MAP2: variants seen among roughly 807,000 people sequenced by gnomAD.
MAP2 encodes microtubule associated protein 2.
MAP2 carries 14 observed loss-of-function variants against 137.6 expected under a neutral mutation model. The ratio of observed to expected loss-of-function variants is 0.10; its 90% confidence interval spans 0.07 to 0.16. The LOEUF is 0.16. Ranked by LOEUF, MAP2 falls within the 10% of genes least tolerant of loss-of-function variation. The pLI is 1.00. For missense variants in MAP2, 2,088 were observed against 2,191.5 expected, an observed-to-expected ratio of 0.95 and a Z score of 0.94; for synonymous variants, 786 against 782.3, an observed-to-expected ratio of 1.00 and a Z score of -0.08.
chr2:209,554,342 C>T lies in MAP2; in HGVS notation c.-171-25694C>T, dbSNP rs995140103. Among the ~76,000 whole-genome samples, 7 of 152,174 alleles carry T rather than the reference C, an allele frequency of 4.6e-5. No homozygotes were observed. The South Asian group carries it at 8.3e-4, about 18-fold the overall frequency. On this transcript the variant is annotated intron_variant, in intron 2 of 15. Coordinates refer to ENST00000682079, the MANE Select transcript of MAP2 (RefSeq NM_001375505.1). ...ATTTAGCCCACTACTCTGGCCACAGCGTCCTATATTCTAGGACTGGTCTTC... is the reference window on the plus strand; with the variant it reads ...ATTTAGCCCACTACTCTGGCCACAGTGTCCTATATTCTAGGACTGGTCTTC...
intron 3 of MAP2, among the ~76,000 whole-genome samples, chr2:209,593,271 A>T (rs1023405305): frequency 1.3e-5 from 2 of 151,800 alleles, no homozygotes; most frequent in Non-Finnish European, 2.9e-5. Context: ...GATTTTTAAA[A>T]TGTATTGTTA....
chr2:209,442,911 ATTTG>A (rs1471767500), intron 1 of MAP2, among the ~76,000 whole-genome samples: 1 of 151,492 alleles, frequency 6.6e-6, no homozygotes, highest in African/African-American at 2.4e-5. Context: ...CTGTCACTGA[ATTTG>A]TTTTTCACCT....
chr2:209,704,419 T>C (rs761360284), intron 11 of MAP2: 3 of 1,581,584 alleles, frequency 1.9e-6, no homozygotes, highest in African/African-American at 2.7e-5. Context: ...TGGTTTATTT[T>C]GTGCTTTTGT....
rs1308720308 is a variant in MAP2 at position 209,693,716 on chromosome 2, A to C, written c.1546A>C (p.Thr516Pro). 5 of 1,613,224 alleles carry C rather than the reference A, an allele frequency of 3.1e-6. No homozygotes were observed. Among genetic ancestry groups the C allele is most frequent in the Non-Finnish European group, 8.5e-7 (1 of 1,179,852 alleles). Residue 516 changes from threonine to proline, a missense_variant, in exon 8 of 16, where the codon ACA becomes CCA. By Grantham distance (38) the Thr-to-Pro change is conservative. Around this residue, in one of 6 missense-constraint regions of MAP2, gnomAD observed 859 missense variants for 794.5 expected, o/e 1.08. Coordinates refer to ENST00000682079, the MANE Select transcript of MAP2 (RefSeq NM_001375505.1). Reference sequence around the variant, plus strand: ...TACAGATTCAGCCATGACCTCTAAAACACTGGAGAAAGCCATGACCGAACC... The same window carrying C: ...TACAGATTCAGCCATGACCTCTAAACCACTGGAGAAAGCCATGACCGAACC... Reference protein sequence around the residue: ...AVTDSAMTSKTLEKAMTEPSA... With the variant: ...AVTDSAMTSKPLEKAMTEPSA...
At chr2:209,612,881 T>C (rs2087476444) in intron 3 of MAP2, among the ~76,000 whole-genome samples, 1 of 152,162 alleles carries the variant, frequency 6.6e-6, no homozygotes, top group South Asian at 2.1e-4. Context: ...TCCTTATCTT[T>C]TGGTTTAGCA....
intron 4 of MAP2, among the ~76,000 whole-genome samples, chr2:209,626,039 A>G (rs759349154): frequency 9.9e-5 from 15 of 152,150 alleles, no homozygotes; most frequent in Non-Finnish European, 1.8e-4. Flanking sequence ...ATAATCTTAA[A>G]TTGGCCACAG....
At chr2:209,503,007 T>TC (rs899627253) in intron 1 of MAP2, among the ~76,000 whole-genome samples, 19 of 100,046 alleles carry the variant, frequency 1.9e-4, no homozygotes, top group African/African-American at 5.4e-4. Context: ...TTCTTTTTTT[T>TC]TTTTTTTTTC....
chr2:209,526,271 T>A (rs905531341), intron 2 of MAP2, among the ~76,000 whole-genome samples: 4 of 152,070 alleles, frequency 2.6e-5, no homozygotes, highest in African/African-American at 9.7e-5. Flanking sequence ...GTCTAGGAAG[T>A]GACCTCATGA....
At chr2:209,492,787 G>A (rs2059282662) in intron 1 of MAP2, among the ~76,000 whole-genome samples, 1 of 152,136 alleles carries the variant, frequency 6.6e-6, no homozygotes, top group South Asian at 2.1e-4. Flanking sequence ...GGAAATAGGA[G>A]AGGACACACA....
chr2:209,533,650 C>A (rs1577341887), intron 2 of MAP2, among the ~76,000 whole-genome samples: 1 of 152,166 alleles, frequency 6.6e-6, no homozygotes, highest in Admixed American at 6.5e-5. Context: ...TAGGATACAG[C>A]TCTTTGAAAC....
intron 2 of MAP2, among the ~76,000 whole-genome samples, chr2:209,552,238 G>C (rs149924131): frequency 6.6e-6 from 1 of 151,150 alleles, no homozygotes; most frequent in South Asian, 2.1e-4. Context: ...CTTTTTTTTT[G>C]TTGTTATTTA....
intron 1 of MAP2, among the ~76,000 whole-genome samples, chr2:209,491,914 A>T (rs1047910066): frequency 1.3e-5 from 2 of 152,226 alleles, no homozygotes; most frequent in Non-Finnish European, 2.9e-5. Flanking sequence ...CAAACAATAA[A>T]AAAAGAGGGA....
chr2:209,718,186 T>C (rs762614462), intron 13 of MAP2, among the ~76,000 whole-genome samples: 5 of 152,138 alleles, frequency 3.3e-5, no homozygotes, highest in Non-Finnish European at 7.4e-5. Context: ...TACTAATTTT[T>C]AAAAATTATG....
At chr2:209,574,264 C>T (rs887523396) in intron 2 of MAP2, among the ~76,000 whole-genome samples, 4 of 152,152 alleles carry the variant, frequency 2.6e-5, no homozygotes, top group Non-Finnish European at 5.9e-5. Context: ...CTGTCTGTAT[C>T]ATTGAATTTT....
At chr2:209,593,752 T>A (rs1247519501) in intron 3 of MAP2, among the ~76,000 whole-genome samples, 2 of 784 alleles carry the variant, frequency 2.6e-3, no homozygotes, top group African/African-American at 2.7e-3. Flanking sequence ...TATATTATAT[T>A]ATATATAATA....
intron 2 of MAP2, among the ~76,000 whole-genome samples, chr2:209,512,313 C>A (rs2150275369): frequency 6.6e-6 from 1 of 151,390 alleles, no homozygotes; most frequent in East Asian, 1.9e-4. Context: ...CATTTTAATG[C>A]AAAAAAAGAC....
intron 1 of MAP2, among the ~76,000 whole-genome samples, chr2:209,494,570 G>A (rs763886464): frequency 2.0e-5 from 3 of 152,084 alleles, no homozygotes; most frequent in Admixed American, 1.3e-4. Flanking sequence ...AAGTTACCCT[G>A]TATGGTCTAA....
intron 1 of MAP2, among the ~76,000 whole-genome samples, chr2:209,490,707 A>G (rs1187513877): frequency 6.6e-6 from 1 of 150,958 alleles, no homozygotes; most frequent in African/African-American, 2.4e-5. Flanking sequence ...ACAAAGAAGG[A>G]CATTACGTAA....
intron 4 of MAP2, among the ~76,000 whole-genome samples, chr2:209,651,802 A>T (rs961556800): frequency 2.6e-5 from 4 of 152,210 alleles, no homozygotes; most frequent in African/African-American, 9.7e-5. Context: ...TCTTCCTGCT[A>T]TGAACAGAAA....
Sources: allele counts gnomAD v4.1 joint callset (sites outside exome capture counted in the v4.1 genomes callset), GRCh38; gene constraint gnomAD v4.1.1; regional missense constraint gnomAD v4.1.1; transcripts MANE v1.5; gene names NCBI Gene and HGNC (gene_info 2026-07-23, HGNC 2026-07-21).